Variants in CEP135 observed in about 807,000 individuals in gnomAD.
CEP135 encodes the protein centrosomal protein of 135 kDa.
In CEP135, 142 loss-of-function variants were observed where a neutral mutation model predicts 157.3. The observed-to-expected ratio is 0.90, with a 90% CI of 0.79 to 1.04. The LOEUF is 1.04. CEP135 is among the 50% of genes least tolerant of loss of function. The pLI, the probability that CEP135 is intolerant of heterozygous loss-of-function variation, is 0.00. For synonymous variants in CEP135, 396 were observed against 439.8 expected (o/e 0.90, Z 1.25); for missense variants, 1,317 against 1,309.2 (o/e 1.01, Z -0.09).
At position 55,965,844 on chromosome 4, in the gene CEP135, G is replaced by C. The variant is rs745920718; in HGVS notation, c.1029G>C (p.Glu343Asp). The change falls in exon 8 of 26, where the codon GAG (glutamate) becomes GAC (aspartate). Residue 343 changes from glutamate to aspartate, a missense_variant. Coordinates refer to ENST00000257287, the MANE Select transcript of CEP135 (RefSeq NM_025009.5). ...AAGTGCTTGAGACTGCTGATAAAGA[G>C]CTTGGGGAAGCAAAGGTAATGAATG... ...KEEVLETADKELGEAKKEIKR... is the reference protein window; with the variant it reads ...KEEVLETADKDLGEAKKEIKR... 1.2e-6 allele frequency: 2 copies of C among 1,612,694 alleles called. No individual in the cohort carries two copies. The highest frequency in any genetic ancestry group is 1.7e-6 in the Non-Finnish European group (2 of 1,179,096).
chr4:55,953,961 A>G (rs930690796), intron 3 of CEP135, among the ~76,000 whole-genome samples: 1 of 152,210 alleles, frequency 6.6e-6, no homozygotes, highest in Non-Finnish European at 1.5e-5. Flanking sequence ...TTCAGACCCA[A>G]TTTACTGGAT....
At chr4:56,001,394 T>C (rs1730165649) in intron 17 of CEP135, among the ~76,000 whole-genome samples, 1 of 152,192 alleles carries the variant, frequency 6.6e-6, no homozygotes, top group Non-Finnish European at 1.5e-5. Flanking sequence ...TTTCAGGTCA[T>C]AGATTTGAGT....
chr4:55,980,349 A>C, intron 12 of CEP135, 54 bp downstream of exon 12: 1 of 1,160,832 alleles, frequency 8.6e-7, no homozygotes, highest in Non-Finnish European at 1.2e-6. Context: ...AGTTAACTAT[A>C]ATGGAGCCTG....
In CEP135 at chr4:55,974,846, A is replaced by G. The variant is rs143094056; in HGVS notation, c.1350A>G (p.Ile450Met). 11 of 1,613,856 alleles carry G rather than the reference A, an allele frequency of 6.8e-6. No individual in the cohort carries two copies. Among genetic ancestry groups the G allele is most frequent in the African/African-American group, 1.3e-5 (1 of 75,060 alleles). Residue 450 changes from isoleucine (I) to methionine (M), a missense_variant, in exon 11 of 26, where the codon ATA (isoleucine) becomes ATG (methionine). Transcript: ENST00000257287. ...PSRLDTFLKG[I>M]EEERDYYKKE... Reference sequence around the variant, plus strand: ...GTTTAGATACATTTCTGAAAGGTATAGAAGAAGAACGAGATTATTATAAGA... The same window carrying G: ...GTTTAGATACATTTCTGAAAGGTATGGAAGAAGAACGAGATTATTATAAGA...
chr4:55,977,408 A>G (rs1439060962), intron 11 of CEP135, among the ~76,000 whole-genome samples: 1 of 152,228 alleles, frequency 6.6e-6, no homozygotes, highest in African/African-American at 2.4e-5. Flanking sequence ...TTGGAGCCTA[A>G]CACAAGTTCC....
intron 1 of CEP135, among the ~76,000 whole-genome samples, chr4:55,951,778 T>C (rs776599665): frequency 6.6e-6 from 1 of 152,232 alleles, no homozygotes; most frequent in Non-Finnish European, 1.5e-5. Context: ...TTATCTTTTA[T>C]GTTTAGTGCT....
intron 14 of CEP135, among the ~76,000 whole-genome samples, chr4:55,987,446 G>A (rs1476509711): frequency 6.6e-6 from 1 of 152,118 alleles, no homozygotes; most frequent in Non-Finnish European, 1.5e-5. Context: ...CCTGTCTTCT[G>A]AACTTGGGGC....
chr4:55,956,624 T>C (rs1360161355), intron 4 of CEP135, among the ~76,000 whole-genome samples: 1 of 152,158 alleles, frequency 6.6e-6, no homozygotes, highest in Non-Finnish European at 1.5e-5. Context: ...AGCTTTTTTT[T>C]TTTGAGATGG....
chr4:56,022,673 C>G (rs1731008839), intron 24 of CEP135, among the ~76,000 whole-genome samples: 1 of 152,036 alleles, frequency 6.6e-6, no homozygotes, highest in South Asian at 2.1e-4. Context: ...GCAACATAAT[C>G]CCCATTCTTG....
chr4:55,989,411 A>G (rs1237978329), intron 14 of CEP135, among the ~76,000 whole-genome samples: 1 of 152,232 alleles, frequency 6.6e-6, no homozygotes, highest in African/African-American at 2.4e-5. Flanking sequence ...AAGGAAACTG[A>G]GGCAGAGGGG....
chr4:56,018,600 A>T (rs971010890), intron 22 of CEP135, among the ~76,000 whole-genome samples: 4 of 152,146 alleles, frequency 2.6e-5, no homozygotes, highest in Non-Finnish European at 5.9e-5. Flanking sequence ...TCTACAAAAA[A>T]TACAAAGAAT....
intron 8 of CEP135, among the ~76,000 whole-genome samples, chr4:55,966,835 T>G (rs1008762040): frequency 1.3e-5 from 2 of 152,208 alleles, no homozygotes; most frequent in Non-Finnish European, 2.9e-5. Context: ...CTTGCACATT[T>G]TTAAGTTGGT....
At chr4:55,952,378 T>A in intron 2 of CEP135, 135 bp downstream of exon 2, 6 of 607,420 alleles carry the variant, frequency 9.9e-6, no homozygotes, top group Non-Finnish European at 1.8e-5. Flanking sequence ...ATCTGTTTTT[T>A]CCCTGTCCTC....
At chr4:56,019,274 G>A (rs1730887303) in intron 22 of CEP135, 79 bp from the exon 23 acceptor site, 1 of 1,076,538 alleles carries the variant, frequency 9.3e-7, no homozygotes, top group Non-Finnish European at 1.3e-6. Flanking sequence ...GTTCCACAGA[G>A]CTATATTGTC....
At chr4:55,973,288 G>T (rs1340058351) in intron 10 of CEP135, among the ~76,000 whole-genome samples, 2 of 152,192 alleles carry the variant, frequency 1.3e-5, no homozygotes, top group Non-Finnish European at 2.9e-5. Context: ...GCGCTGTATG[G>T]AAATCTTACA....
In CEP135 at chr4:55,954,378, C is replaced by T; in HGVS notation, c.467C>T (p.Thr156Ile). Residue 156 changes from threonine to isoleucine, a missense_variant, in exon 4 of 26, where the codon ACT (threonine) becomes ATT (isoleucine). By Grantham distance (89) the Thr-to-Ile change is moderately conservative. Transcript: ENST00000257287. ...QEKNLHAVVQ[T>I]PGGKKRSIAF... Reference sequence around the variant, plus strand: ...AAGAATTTGCATGCTGTAGTACAAACTCCAGGTAAATCGATTCCTTCTCGA... The same window carrying T: ...AAGAATTTGCATGCTGTAGTACAAATTCCAGGTAAATCGATTCCTTCTCGA... 6.3e-7 allele frequency: 1 copy of T among 1,591,072 alleles called. No homozygotes were observed. The highest frequency in any genetic ancestry group is 8.5e-7 in the Non-Finnish European group (1 of 1,172,378).
At chr4:56,001,549 G>A (rs538331269) in intron 17 of CEP135, among the ~76,000 whole-genome samples, 9 of 152,226 alleles carry the variant, frequency 5.9e-5, no homozygotes, top group African/African-American at 2.2e-4. Flanking sequence ...GCATCTTGTT[G>A]AAAATGAGTT....
chr4:55,974,760 C>A lies in CEP135; in HGVS notation c.1264C>A (p.Leu422Met). The A allele has an allele frequency of 6.2e-7, 1 of 1,612,194 alleles. No homozygotes were observed. The highest frequency in any genetic ancestry group is 1.1e-5 in the South Asian group (1 of 90,500). Residue 422 changes from leucine to methionine, a missense_variant, in exon 11 of 26, where the codon CTG becomes ATG. Physicochemically the swap from Leu to Met is conservative, Grantham distance 15. Coordinates refer to ENST00000257287, the MANE Select transcript of CEP135 (RefSeq NM_025009.5). ...SFAVTERQLT[L>M]EVERMRLEHG... ...TTAATTTACAGAACGACAACTTACT[C>A]TGGAGGTTGAGAGGATGAGACTAGA...
At chr4:55,994,831 G>A (rs1203109506) in intron 15 of CEP135, among the ~76,000 whole-genome samples, 4 of 151,674 alleles carry the variant, frequency 2.6e-5, no homozygotes, top group Non-Finnish European at 4.4e-5. Flanking sequence ...GATTACAGGC[G>A]CCTGCCACCA....
Sources: allele counts gnomAD v4.1 joint callset (sites outside exome capture counted in the v4.1 genomes callset), GRCh38; gene constraint gnomAD v4.1.1; transcripts MANE v1.5; gene names NCBI Gene and HGNC (gene_info 2026-07-23, HGNC 2026-07-21).